SGCD: variants seen among roughly 807,000 people sequenced by gnomAD.
The protein encoded by SGCD is sarcoglycan delta, also known as delta-sarcoglycan.
In SGCD, 18 loss-of-function variants were observed where a neutral mutation model predicts 36.6. The observed-to-expected ratio is 0.49, with a 90% confidence interval of 0.34 to 0.73. The LOEUF (loss-of-function observed/expected upper bound fraction) is 0.73. Among genes scored for constraint, SGCD ranks in the 30% least tolerant of loss-of-function variants. The probability of loss-of-function intolerance (pLI) is 0.01; values close to 1 mark genes in which losing one functional copy is unlikely to be tolerated. For synonymous variants in SGCD, 133 were observed against 130.6 expected, an observed-to-expected ratio of 1.02 and a Z score of -0.12; for missense variants, 387 against 346.7, an observed-to-expected ratio of 1.12 and a Z score of -0.92.
At chr5:155,851,376 G>A in the SGCD span, among the ~76,000 whole-genome samples, 2 of 152,080 alleles carry the variant, frequency 1.3e-5, no homozygotes, top group African/African-American at 4.8e-5. Context: ...TAAAGCGAAG[G>A]CACTTTCCAT....
At chr5:156,537,947 G>A (rs114589552) in intron 4 of SGCD, among the ~76,000 whole-genome samples, 1,629 of 152,150 alleles carry the variant, frequency 0.011, 29 homozygotes, top group African/African-American at 0.037. Context: ...CTTCCTGTGA[G>A]GGTTAACTAA....
At chr5:155,931,514 G>A (rs1406104752) in intron 1 of SGCD, among the ~76,000 whole-genome samples, 7 of 152,050 alleles carry the variant, frequency 4.6e-5, no homozygotes, top group Non-Finnish European at 8.8e-5. Flanking sequence ...TTCTCTATAA[G>A]GATTCAAAAT....
chr5:156,434,960 T>C (rs1226674648), intron 3 of SGCD, among the ~76,000 whole-genome samples: 1 of 152,236 alleles, frequency 6.6e-6, no homozygotes, highest in Non-Finnish European at 1.5e-5. Context: ...CCTCAATTTA[T>C]ACTATCTCTT....
chr5:156,485,322 G>C (rs1016455522), intron 3 of SGCD, among the ~76,000 whole-genome samples: 1 of 152,290 alleles, frequency 6.6e-6, no homozygotes, highest in South Asian at 2.1e-4. Flanking sequence ...TATATAGAGA[G>C]AGCCATTAAT....
intron 1 of SGCD, among the ~76,000 whole-genome samples, chr5:155,940,652 G>T (rs113865658): frequency 1.9e-3 from 296 of 152,162 alleles, no homozygotes; most frequent in Admixed American, 2.4e-3. Context: ...AGACCAGCCT[G>T]GCCAATATGG....
At chr5:156,001,594 C>T (rs1235125872) in intron 1 of SGCD, among the ~76,000 whole-genome samples, 2 of 152,118 alleles carry the variant, frequency 1.3e-5, no homozygotes, top group East Asian at 3.9e-4. Flanking sequence ...GTCCAATTTC[C>T]AAATACTTAA....
chr5:156,070,858 G>C (rs948190384), intron 1 of SGCD, among the ~76,000 whole-genome samples: 1 of 152,136 alleles, frequency 6.6e-6, no homozygotes, highest in South Asian at 2.1e-4. Context: ...GTTTAGTCTT[G>C]GGAGGGTGTA....
intron 3 of SGCD, among the ~76,000 whole-genome samples, chr5:156,284,886 C>T (rs1336459994): frequency 6.6e-6 from 1 of 152,146 alleles, no homozygotes; most frequent in African/African-American, 2.4e-5. Flanking sequence ...TCAAATTGTC[C>T]CTGTTTGCAG....
chr5:156,557,186 C>A (rs1485436845), intron 4 of SGCD, among the ~76,000 whole-genome samples: 1 of 152,146 alleles, frequency 6.6e-6, no homozygotes, highest in Non-Finnish European at 1.5e-5. Flanking sequence ...GTCAGTTGAT[C>A]ATTTTCAGCC....
chr5:156,559,182 C>T (rs1248829206), intron 4 of SGCD, among the ~76,000 whole-genome samples: 1 of 152,138 alleles, frequency 6.6e-6, no homozygotes, highest in Non-Finnish European at 1.5e-5. Context: ...TTTCAGCCCA[C>T]AGCCTTAGGA....
chr5:156,177,247 A>T (rs1763497283), intron 3 of SGCD, among the ~76,000 whole-genome samples: 1 of 151,956 alleles, frequency 6.6e-6, no homozygotes, highest in Admixed American at 6.6e-5. Flanking sequence ...TGATCCACTC[A>T]CCTCGGCCAC....
chr5:156,073,268 C>G (rs1760644374), intron 1 of SGCD, among the ~76,000 whole-genome samples: 1 of 152,120 alleles, frequency 6.6e-6, no homozygotes, highest in African/African-American at 2.4e-5. Context: ...TCTATTATAT[C>G]ATACTCTCTC....
chr5:156,127,539 T>C (rs1762204663), intron 3 of SGCD, among the ~76,000 whole-genome samples: 1 of 152,004 alleles, frequency 6.6e-6, no homozygotes, highest in Admixed American at 6.6e-5. Context: ...ATTGCTTGCG[T>C]CCAAGAATTT....
chr5:155,740,814 T>C, the SGCD span, among the ~76,000 whole-genome samples: 189 of 152,346 alleles, frequency 1.2e-3, no homozygotes, highest in African/African-American at 4.0e-3. Flanking sequence ...ATTTATTATA[T>C]GCAAAATTAA....
chr5:156,614,969 G>C (rs1198814685), intron 6 of SGCD, among the ~76,000 whole-genome samples: 3 of 152,130 alleles, frequency 2.0e-5, no homozygotes, highest in Non-Finnish European at 4.4e-5. Context: ...GCCACCCCCG[G>C]TTTTTCCATG....
chr5:156,413,096 C>T (rs1295854953), intron 3 of SGCD, among the ~76,000 whole-genome samples: 4 of 151,718 alleles, frequency 2.6e-5, no homozygotes, highest in Non-Finnish European at 4.4e-5. Flanking sequence ...CGCGCCCGGC[C>T]GCAGGGTTGG....
Position 156,493,732 on chromosome 5 carries a change from C to T in SGCD, c.193-14869C>T, listed in dbSNP as rs191961057. ...TTGATTTCCAGTTAAAATTATTAAA[C>T]GACTATCTTACCCAGGGAAGAAAGC... On this transcript the variant is annotated intron_variant, in intron 3 of 8. Transcript: ENST00000337851. Among the ~76,000 whole-genome samples, 35 of 152,202 alleles carry T rather than the reference C, an allele frequency of 2.3e-4. No homozygotes were observed. The East Asian group carries it at 4.4e-3, about 19-fold the overall frequency.
chr5:156,471,052 G>A (rs1384322804), intron 3 of SGCD, among the ~76,000 whole-genome samples: 1 of 152,128 alleles, frequency 6.6e-6, no homozygotes, highest in Non-Finnish European at 1.5e-5. Flanking sequence ...CATTAGCTGG[G>A]TGACTTCTCA....
chr5:156,136,721 G>A (rs988314810), intron 3 of SGCD, among the ~76,000 whole-genome samples: 2 of 152,104 alleles, frequency 1.3e-5, no homozygotes, highest in Admixed American at 1.3e-4. Context: ...AAAGATTTTT[G>A]ACATTTAATG....
Sources: gnomAD v4.1 joint callset for allele counts (sites outside exome capture counted in the v4.1 genomes callset) on GRCh38, gnomAD v4.1.1 for gene constraint, MANE v1.5 for transcripts, NCBI Gene and HGNC (gene_info 2026-07-23, HGNC 2026-07-21) for gene names.